Variants in DMD observed in about 807,000 individuals in gnomAD.
The protein encoded by DMD is dystrophin, also known as mutant dystrophin.
A neutral mutation model predicts 330.1 loss-of-function variants in DMD; 63 were observed. That is an observed-to-expected ratio of 0.19 (90% CI 0.16 to 0.24). The LOEUF is 0.24. Ranked by LOEUF, DMD falls within the 10% of genes least tolerant of loss-of-function variation. DMD has a pLI of 1.00. For missense variants in DMD, 3,344 were observed against 2,684.1 expected, an observed-to-expected ratio of 1.25 and a Z score of -5.43; for synonymous variants, 1,223 against 959.8, an observed-to-expected ratio of 1.27 and a Z score of -5.07.
intron 62 of DMD, chrX:31,267,078 C>T (rs1204543826): frequency 3.1e-6 from 1 of 318,529 alleles, no homozygotes; most frequent in South Asian, 8.6e-5. Context: ...GCAGTTGGGG[C>T]TTTCAAAACG....
At chrX:32,545,117 T>G in intron 17 of DMD, 42 bp downstream of exon 17, 1 of 1,174,244 alleles carries the variant, frequency 8.5e-7, no homozygotes, top group Non-Finnish European at 1.2e-6. Flanking sequence ...TAAATGAGTT[T>G]TCTCCACTTC....
intron 2 of DMD, among the ~76,000 whole-genome samples, chrX:32,884,444 T>C (rs953089893): frequency 5.4e-5 from 6 of 112,088 alleles, no homozygotes; most frequent in African/African-American, 1.9e-4. Flanking sequence ...CCAGGCACTT[T>C]ATATACATCA....
chrX:31,255,122 A>G (rs750846314), intron 63 of DMD, among the ~76,000 whole-genome samples: 2 of 111,048 alleles, frequency 1.8e-5, no homozygotes, highest in East Asian at 5.6e-4. Flanking sequence ...GAGCTTTTTA[A>G]AAAATATTTT....
intron 2 of DMD, among the ~76,000 whole-genome samples, chrX:33,009,184 GTATATATGTA>G (rs2093510321): frequency 6.5e-5 from 1 of 15,417 alleles, no homozygotes; most frequent in Non-Finnish European, 1.2e-4. Context: ...GTATATATAC[GTATATATGTA>G]TATATGTGTA....
At chrX:32,080,949 ATAT>A (rs1357076684) in intron 44 of DMD, among the ~76,000 whole-genome samples, 2 of 112,133 alleles carry the variant, frequency 1.8e-5, no homozygotes, top group Non-Finnish European at 3.8e-5. Context: ...GTGCCCAATG[ATAT>A]TATAAGTATC....
chrX:31,874,453 A>G (rs770128727), intron 48 of DMD, among the ~76,000 whole-genome samples: 219 of 111,698 alleles, frequency 2.0e-3, no homozygotes, highest in Middle Eastern at 0.014. Flanking sequence ...TGGATAAGGA[A>G]TCTATGAATA....
intron 7 of DMD, among the ~76,000 whole-genome samples, chrX:32,733,538 A>G (rs1222451918): frequency 9.0e-6 from 1 of 111,386 alleles, no homozygotes; most frequent in Admixed American, 9.5e-5. Flanking sequence ...GCAAATGTAG[A>G]AGAACAGAAA....
chrX:31,616,562 G>A (rs1364232124), intron 55 of DMD, among the ~76,000 whole-genome samples: 4 of 111,944 alleles, frequency 3.6e-5, no homozygotes, highest in Non-Finnish European at 5.6e-5. Flanking sequence ...TATTATTTTC[G>A]TTCACTGACA....
chrX:33,089,254 C>T (rs1274195469), intron 1 of DMD, among the ~76,000 whole-genome samples: 1 of 109,521 alleles, frequency 9.1e-6, no homozygotes, highest in Non-Finnish European at 1.9e-5. Flanking sequence ...TTAGTAGAGA[C>T]GGGGTTTCAC....
At chrX:31,630,733 T>A (rs1210206019) in intron 54 of DMD, among the ~76,000 whole-genome samples, 1 of 111,350 alleles carries the variant, frequency 9.0e-6, no homozygotes, top group African/African-American at 3.3e-5. Context: ...TGAATTAGAT[T>A]TTTTTTTAAA....
At chrX:31,473,292 C>A (rs1206481672) in intron 59 of DMD, among the ~76,000 whole-genome samples, 1 of 107,645 alleles carries the variant, frequency 9.3e-6, no homozygotes. Flanking sequence ...TGCTTGAACC[C>A]AGGAGGCGGA....
At chrX:31,344,889 G>C (rs1018342350) in intron 61 of DMD, among the ~76,000 whole-genome samples, 1 of 110,604 alleles carries the variant, frequency 9.0e-6, no homozygotes, top group Non-Finnish European at 1.9e-5. Context: ...GCAACCACAA[G>C]AGAAATACAG....
chrX:31,384,219 A>G (rs1054794572), intron 60 of DMD, among the ~76,000 whole-genome samples: 23 of 111,236 alleles, frequency 2.1e-4, no homozygotes, highest in African/African-American at 7.5e-4. Flanking sequence ...ACTCAGTGAG[A>G]CTGAGCCAGT....
chrX:32,109,060 T>C (rs2096577492), intron 44 of DMD, among the ~76,000 whole-genome samples: 1 of 112,042 alleles, frequency 8.9e-6, no homozygotes, highest in African/African-American at 3.2e-5. Flanking sequence ...TCTATGCTCA[T>C]CTATCAGCCT....
chrX:33,330,785 T>G (rs1405809240), intron 1 of DMD, among the ~76,000 whole-genome samples: 2 of 111,693 alleles, frequency 1.8e-5, no homozygotes, highest in Non-Finnish European at 3.8e-5. Context: ...GCTTTACCCT[T>G]TACTTTGAAT....
intron 44 of DMD, among the ~76,000 whole-genome samples, chrX:32,033,570 G>A (rs2095903810): frequency 1.0e-5 from 1 of 98,666 alleles, no homozygotes; most frequent in South Asian, 4.8e-4. Context: ...TAAACTGCTT[G>A]CACTATTTAA....
intron 77 of DMD, among the ~76,000 whole-genome samples, chrX:31,130,030 G>A (rs1192350665): frequency 1.8e-5 from 2 of 111,333 alleles, no homozygotes; most frequent in African/African-American, 3.3e-5. Context: ...TGTACAGGTA[G>A]CAGAAATAGT....
chrX:32,529,360 C>G (rs1569139104), intron 17 of DMD, among the ~76,000 whole-genome samples: 2 of 100,136 alleles, frequency 2.0e-5, no homozygotes, highest in Non-Finnish European at 4.0e-5. Flanking sequence ...CGCGCGAATT[C>G]CACCTTGGCA....
In DMD at chrX:31,622,875, T is replaced by TACAC. The variant is rs1400797606; in HGVS notation, c.8217+4797_8217+4798insGTGT. On this transcript the variant is annotated intron_variant, in intron 55 of 78. Transcript: ENST00000357033. ...ATATATATATATATATATATATATA[T>TACAC]ATACACACACACACACACACACACA... Among the ~76,000 whole-genome samples the TACAC allele has an allele frequency of 9.7e-3, 783 of 80,408 alleles. 4 individuals are homozygous for TACAC. The highest frequency in any genetic ancestry group is 0.016 in the Non-Finnish European group (669 of 41,104). 69.8% of individuals were successfully genotyped at this position (80,408 alleles called of 115,157 possible). A position where few individuals can be genotyped will look rare whatever the true frequency, so the allele number is the denominator to read the frequency against.
Sources: allele counts gnomAD v4.1 joint callset (sites outside exome capture counted in the v4.1 genomes callset), GRCh38; gene constraint gnomAD v4.1.1; transcripts MANE v1.5; gene names NCBI Gene and HGNC (gene_info 2026-07-23, HGNC 2026-07-21).